RORA: variants seen among roughly 807,000 people sequenced by gnomAD.
RORA encodes the protein RAR related orphan receptor A.
In RORA, 7 loss-of-function variants were observed where a neutral mutation model predicts 69.5. The ratio of observed to expected loss-of-function variants is 0.10; its 90% CI spans 0.06 to 0.19. RORA has a LOEUF of 0.19. RORA is among the 10% of genes least tolerant of loss of function. The pLI is 1.00. For missense variants in RORA, 457 were observed against 663.0 expected, an observed-to-expected ratio of 0.69 and a Z score of 3.41; for synonymous variants, 261 against 240.8, an observed-to-expected ratio of 1.08 and a Z score of -0.78.
At chr15:60,525,386 C>A (rs1028793379) in intron 3 of RORA, among the ~76,000 whole-genome samples, 31 of 152,198 alleles carry the variant, frequency 2.0e-4, no homozygotes. Flanking sequence ...GGCTCCTTCT[C>A]AGTGAAACAG....
chr15:61,002,853 CG>C (rs1404478591), intron 1 of RORA, among the ~76,000 whole-genome samples: 22 of 151,750 alleles, frequency 1.4e-4, no homozygotes, highest in Admixed American at 1.4e-3. Context: ...GACATAGGGC[CG>C]GGCATGGTGG....
chr15:60,654,710 A>G (rs1255622533), intron 2 of RORA, among the ~76,000 whole-genome samples: 1 of 152,358 alleles, frequency 6.6e-6, no homozygotes, highest in East Asian at 1.9e-4. Context: ...AGAAGTAGAC[A>G]AGAGGGTGAA....
In RORA at chr15:60,496,239, T is replaced by A. The variant is rs2065164620; in HGVS notation, c.*1216A>T. On this transcript the variant is annotated 3_prime_UTR_variant, in exon 11 of 11. Transcript: ENST00000335670. This position sits in a 1 kb window ranked among gnomAD's most constrained non-coding sequence, Gnocchi z 4.5. ...CATAAACATTCACAAAGTAAATACT[T>A]CATGTCCTCACATGGGGAGTGTGCA... The A allele has an allele frequency of 6.6e-6, 1 of 152,186 alleles. No homozygotes were observed. The highest frequency in any genetic ancestry group is 6.5e-5 in the Admixed American group (1 of 15,274). The allele number at this position is 152,186 out of a possible 1,614,324, so 9.4% of individuals were successfully genotyped here.
Position 60,905,235 on chromosome 15 carries a change from C to A in RORA, c.167-226549G>T, listed in dbSNP as rs1891504008. Among the ~76,000 whole-genome samples the A allele has an allele frequency of 6.6e-6, 1 of 152,194 alleles. No homozygotes were observed. Among genetic ancestry groups the A allele is most frequent in the Non-Finnish European group, 1.5e-5 (1 of 68,038 alleles). ...ACCATTTCCCTTAGCCACTGGGCAA[C>A]CAATGTCTCCTTCTGAACAGTTGGG... is the stretch of plus-strand genomic sequence containing the variant. On this transcript the variant is annotated intron_variant, in intron 1 of 10. Coordinates refer to ENST00000335670, the MANE Select transcript of RORA (RefSeq NM_134261.3). The surrounding 1 kb of genome is among the most constrained non-coding windows in gnomAD (Gnocchi z 4.8).
intron 1 of RORA, among the ~76,000 whole-genome samples, chr15:60,781,605 G>A (rs1251074859): frequency 6.6e-6 from 1 of 151,840 alleles, no homozygotes; most frequent in African/African-American, 2.4e-5. Flanking sequence ...CCACAGTTCA[G>A]TGAGCCGAGT....
intron 1 of RORA, among the ~76,000 whole-genome samples, chr15:60,826,441 C>T (rs2072958215): frequency 6.6e-6 from 1 of 152,166 alleles, no homozygotes; most frequent in African/African-American, 2.4e-5. Context: ...TCCCTTAGCT[C>T]AGAGAGGGCC....
intron 1 of RORA, among the ~76,000 whole-genome samples, chr15:60,686,029 T>C (rs2070742083): frequency 6.6e-6 from 1 of 152,120 alleles, no homozygotes; most frequent in Non-Finnish European, 1.5e-5. Context: ...GTTATGGGAA[T>C]GGATAAGAGG....
chr15:61,198,245 G>A (rs1227736937), intron 1 of RORA, among the ~76,000 whole-genome samples: 1 of 152,150 alleles, frequency 6.6e-6, no homozygotes, highest in Non-Finnish European at 1.5e-5. Flanking sequence ...CTAGGTATAA[G>A]CAGACAGCCA....
Position 60,857,641 on chromosome 15 carries a change from C to T in RORA, c.167-178955G>A, listed in dbSNP as rs181031791. On this transcript the variant is annotated intron_variant, in intron 1 of 10. Coordinates refer to ENST00000335670, the MANE Select transcript of RORA (RefSeq NM_134261.3). ...AGAAGGCCTACCTGGCTGCCGCACA[C>T]GCCCTGCAAAATGGCACACAGGTGC... 4.5e-4 allele frequency among the ~76,000 whole-genome samples: 68 copies of T among 152,280 alleles called. No individual in the cohort carries two copies. In the East Asian group the frequency reaches 8.1e-3, roughly 18 times the overall value.
intron 1 of RORA, among the ~76,000 whole-genome samples, chr15:61,096,727 G>A: frequency 6.6e-6 from 1 of 152,114 alleles, no homozygotes; most frequent in East Asian, 1.9e-4. Context: ...AGTGCCTAGG[G>A]AAGGCAGCTC....
chr15:60,760,044 T>G (rs1189358391), intron 1 of RORA, among the ~76,000 whole-genome samples: 3 of 152,204 alleles, frequency 2.0e-5, no homozygotes, highest in Non-Finnish European at 4.4e-5. Context: ...AGTTTTAAAT[T>G]TGAAGCCCCT....
chr15:60,725,516 C>T (rs1256479409), intron 1 of RORA, among the ~76,000 whole-genome samples: 2 of 152,164 alleles, frequency 1.3e-5, no homozygotes, highest in Non-Finnish European at 2.9e-5. Context: ...GTAATAATCA[C>T]ATTATGGAAA....
intron 3 of RORA, chr15:60,529,673 A>G (rs922276728): frequency 1.3e-5 from 2 of 152,194 alleles, no homozygotes; most frequent in Non-Finnish European, 2.9e-5. Context: ...TTGTTTTCTT[A>G]TCGCTTTTAT....
chr15:60,787,713 C>T (rs2072357578), intron 1 of RORA, among the ~76,000 whole-genome samples: 1 of 152,158 alleles, frequency 6.6e-6, no homozygotes, highest in African/African-American at 2.4e-5. Flanking sequence ...CCAAAATTTA[C>T]AGCTGCCTTT....
Position 60,495,082 on chromosome 15 carries a change from A to G in RORA, c.*2373T>C, listed in dbSNP as rs990884811. On this transcript the variant is annotated 3_prime_UTR_variant, in exon 11 of 11. Coordinates refer to ENST00000335670, the MANE Select transcript of RORA (RefSeq NM_134261.3). ...CCCAAATTTAGTGAATCTGAATGAC[A>G]AAAAAACAAAACAAAACCAAAACCA... The G allele has an allele frequency of 6.6e-6, 1 of 152,170 alleles. No individual in the cohort carries two copies. Among genetic ancestry groups the G allele is most frequent in the Non-Finnish European group, 1.5e-5 (1 of 68,036 alleles). 9.4% of individuals were successfully genotyped at this position (152,170 alleles called of 1,614,324 possible).
At chr15:60,653,058 C>T (rs968448457) in intron 2 of RORA, among the ~76,000 whole-genome samples, 8 of 152,208 alleles carry the variant, frequency 5.3e-5, no homozygotes, top group African/African-American at 1.9e-4. Context: ...CTGAGTGACA[C>T]TGGATTTTTT....
rs533598270 is a variant in RORA, at chr15:60,611,559, CAAAAAAAA to C, written c.196+67090_196+67097del. On this transcript the variant is annotated intron_variant, in intron 2 of 10. Coordinates refer to ENST00000335670, the MANE Select transcript of RORA (RefSeq NM_134261.3). The stretch of plus-strand genomic sequence containing the variant: ...TTACCTCAAACAATCTTGAGTTTTG[CAAAAAAAA>C]AAAAAAAAAAAAAAAAAAAAAAGGT... Among the ~76,000 whole-genome samples the C allele has an allele frequency of 5.5e-3, 196 of 35,812 alleles. 2 individuals are homozygous for C. Among genetic ancestry groups the C allele is most frequent in the South Asian group, 0.012 (6 of 492 alleles). 23.5% of individuals were successfully genotyped at this position (35,812 alleles called of 152,430 possible).
intron 1 of RORA, among the ~76,000 whole-genome samples, chr15:60,954,002 T>C (rs1893187414): frequency 6.6e-6 from 1 of 151,876 alleles, no homozygotes; most frequent in East Asian, 1.9e-4. Context: ...CGTCTGTTTA[T>C]TGCGGCATTA....
rs2079190673 is a variant in RORA, at chr15:61,131,551, AGGAACTG to A, written c.166+97495_166+97501del. Among the ~76,000 whole-genome samples, 1 of 152,206 alleles carries A rather than the reference AGGAACTG, an allele frequency of 6.6e-6. No homozygotes were observed. The highest frequency in any genetic ancestry group is 1.5e-5 in the Non-Finnish European group (1 of 68,042). On this transcript the variant is annotated intron_variant, in intron 1 of 10. Coordinates refer to ENST00000335670, the MANE Select transcript of RORA (RefSeq NM_134261.3). The surrounding 1 kb of genome is among the most constrained non-coding windows in gnomAD (Gnocchi z 4.2). ...CTTTGGCCATCCACTGGAAAACTGGAGGAACTGGGATCTAGTTACTCATGCTATAGAA... is the reference window on the plus strand; with the variant it reads ...CTTTGGCCATCCACTGGAAAACTGGAGGATCTAGTTACTCATGCTATAGAA...
Sources: allele counts gnomAD v4.1 joint callset (sites outside exome capture counted in the v4.1 genomes callset), GRCh38; gene constraint gnomAD v4.1.1; non-coding constraint Gnocchi (gnomAD v3.1); transcripts MANE v1.5; gene names NCBI Gene and HGNC (gene_info 2026-07-23, HGNC 2026-07-21).